The following ADCY8 variants were observed in gnomAD, a reference collection of about 807,000 sequenced individuals.
The protein encoded by ADCY8 is adenylate cyclase type 8.
ADCY8 carries 51 observed loss-of-function variants against 119.7 expected under a neutral mutation model. The ratio of observed to expected loss-of-function variants is 0.43; its 90% CI spans 0.34 to 0.54. ADCY8 has a LOEUF of 0.54. Among genes scored for constraint, ADCY8 ranks in the 20% least tolerant of loss-of-function variants. The pLI, the probability that ADCY8 is intolerant of heterozygous loss-of-function variation, is 0.03. For synonymous variants in ADCY8, 665 were observed against 651.0 expected (o/e 1.02, Z -0.33); for missense variants, 1,383 against 1,598.8 (o/e 0.87, Z 2.30).
chr8:131,000,424 T>C (rs1222407859), intron 1 of ADCY8, among the ~76,000 whole-genome samples: 1 of 152,174 alleles, frequency 6.6e-6, no homozygotes, highest in African/African-American at 2.4e-5. Context: ...GAAGAAGTGT[T>C]GGCCTCATTC....
At chr8:130,804,497 T>C (rs1304031975) in intron 14 of ADCY8, among the ~76,000 whole-genome samples, 1 of 152,242 alleles carries the variant, frequency 6.6e-6, no homozygotes, top group Non-Finnish European at 1.5e-5. Flanking sequence ...CTTCAACATA[T>C]AAATTTTCGG....
chr8:130,902,012 G>T (rs972457638), intron 7 of ADCY8, among the ~76,000 whole-genome samples: 1 of 152,138 alleles, frequency 6.6e-6, no homozygotes, highest in East Asian at 1.9e-4. Context: ...ATAAAACCAA[G>T]AACCTCCACC....
intron 8 of ADCY8, among the ~76,000 whole-genome samples, chr8:130,868,752 A>G (rs887144304): frequency 6.6e-6 from 1 of 152,226 alleles, no homozygotes; most frequent in African/African-American, 2.4e-5. Flanking sequence ...TTTGACCTTA[A>G]TGAGAGAGAG....
intron 9 of ADCY8, among the ~76,000 whole-genome samples, chr8:130,860,585 T>A (rs1413100842): frequency 6.6e-6 from 1 of 152,224 alleles, no homozygotes; most frequent in African/African-American, 2.4e-5. Context: ...AAGGTCTGTG[T>A]ATAGGTTCAA....
At position 131,040,196 on chromosome 8, in the gene ADCY8, C is replaced by G. The variant is rs545853384; in HGVS notation, c.138G>C (p.Thr46=). ...GGTGCCCGTGAATGAAGCGCTGCTC[C>G]GTGATGTGTCGCACCGCCGTCTGCC... The part of the protein sequence containing the change: ...LLWQTAVRHI[T]EQRFIHGHRG... Residue 46 remains threonine, a synonymous_variant, in exon 1 of 18, where the codon ACG becomes ACC. Coordinates refer to ENST00000286355, the MANE Select transcript of ADCY8 (RefSeq NM_001115.3). The G allele has an allele frequency of 5.9e-6, 9 of 1,535,780 alleles. No individual in the cohort carries two copies. In the Admixed American group the frequency reaches 9.8e-5, roughly 17 times the overall value.
At chr8:130,897,823 A>G (rs1250035893) in intron 7 of ADCY8, among the ~76,000 whole-genome samples, 3 of 139,250 alleles carry the variant, frequency 2.2e-5, no homozygotes, top group Non-Finnish European at 4.8e-5. Context: ...TACATATATC[A>G]CACCACATAC....
chr8:130,944,542 G>A (rs1821052794), intron 3 of ADCY8, among the ~76,000 whole-genome samples: 1 of 152,148 alleles, frequency 6.6e-6, no homozygotes, highest in South Asian at 2.1e-4. Context: ...AGACATCGTG[G>A]AATGTGTTGA....
chr8:130,877,273 A>G (rs561579836), intron 8 of ADCY8, among the ~76,000 whole-genome samples: 21 of 152,294 alleles, frequency 1.4e-4, no homozygotes, highest in African/African-American at 4.8e-4. Flanking sequence ...TAGGATGGGA[A>G]GTTCCCAGAT....
At chr8:130,813,921 G>T in intron 14 of ADCY8, 148 bp downstream of exon 14, 1 of 944,606 alleles carries the variant, frequency 1.1e-6, no homozygotes, top group East Asian at 2.6e-5. Context: ...GGGAGGCCAT[G>T]TGTAAATTTC....
chr8:130,857,777 G>T (rs533837452), intron 9 of ADCY8, among the ~76,000 whole-genome samples: 35 of 152,236 alleles, frequency 2.3e-4, no homozygotes, highest in African/African-American at 8.4e-4. Flanking sequence ...TCTTTAAAAT[G>T]TTATAGCTAG....
intron 2 of ADCY8, among the ~76,000 whole-genome samples, chr8:130,976,989 C>T (rs1229172727): frequency 2.0e-5 from 3 of 152,144 alleles, no homozygotes; most frequent in Admixed American, 6.5e-5. Flanking sequence ...TGTCCCATCG[C>T]GCAGGACATC....
chr8:130,807,368 C>G (rs907466311), intron 14 of ADCY8, among the ~76,000 whole-genome samples: 2 of 152,156 alleles, frequency 1.3e-5, no homozygotes, highest in African/African-American at 4.8e-5. Context: ...CTTCCATGAC[C>G]CTTGCTCTTT....
chr8:130,980,814 A>T (rs1822217016), intron 2 of ADCY8, among the ~76,000 whole-genome samples: 1 of 152,232 alleles, frequency 6.6e-6, no homozygotes, highest in African/African-American at 2.4e-5. Flanking sequence ...GGTTTTTAAA[A>T]GATAAACTTG....
chr8:131,010,419 T>A (rs546970379), intron 1 of ADCY8, among the ~76,000 whole-genome samples: 1 of 152,300 alleles, frequency 6.6e-6, no homozygotes, highest in African/African-American at 2.4e-5. Flanking sequence ...CTCTTTGAAT[T>A]TGAGTTGTAC....
intron 9 of ADCY8, among the ~76,000 whole-genome samples, chr8:130,864,255 CT>C (rs1563699556): frequency 6.6e-6 from 1 of 152,112 alleles, no homozygotes; most frequent in African/African-American, 2.4e-5. Flanking sequence ...AAGATTTTCC[CT>C]TTGTCTTGCA....
intron 5 of ADCY8, among the ~76,000 whole-genome samples, chr8:130,930,220 T>C (rs1252259470): frequency 6.6e-6 from 1 of 152,156 alleles, no homozygotes; most frequent in Non-Finnish European, 1.5e-5. Context: ...GTTAAGTGAT[T>C]TTCACTAGTG....
intron 15 of ADCY8, among the ~76,000 whole-genome samples, chr8:130,787,374 G>A (rs146578219): frequency 1.5e-3 from 232 of 152,298 alleles, no homozygotes; most frequent in African/African-American, 3.6e-3. Context: ...GATTGGTGCT[G>A]TGTGGCGTTC....
intron 3 of ADCY8, among the ~76,000 whole-genome samples, chr8:130,949,041 G>A (rs149684700): frequency 2.1e-3 from 322 of 152,190 alleles, no homozygotes; most frequent in African/African-American, 7.3e-3. Context: ...TAACGGCTCT[G>A]AAAACGCGGA....
rs559619243 is a variant in ADCY8, at chr8:130,916,447, C to T, written c.1482-6581G>A. ...CTGCTGGACTTTAGTGTCAGCCTGCCGTATGAAACGTAGGGTCCATCTGCT... is the reference window on the plus strand; with the variant it reads ...CTGCTGGACTTTAGTGTCAGCCTGCTGTATGAAACGTAGGGTCCATCTGCT... On this transcript the variant is annotated intron_variant, in intron 5 of 17. Transcript: ENST00000286355. 1.7e-3 allele frequency among the ~76,000 whole-genome samples: 261 copies of T among 152,252 alleles called. 1 individual carries two copies. Among genetic ancestry groups the T allele is most frequent in the Middle Eastern group, 3.4e-3 (1 of 294 alleles).
Sources: allele counts gnomAD v4.1 joint callset (sites outside exome capture counted in the v4.1 genomes callset), GRCh38; gene constraint gnomAD v4.1.1; transcripts MANE v1.5; gene names NCBI Gene and HGNC (gene_info 2026-07-23, HGNC 2026-07-21).